The following MCHR2 variants were observed in gnomAD, a reference collection of about 807,000 sequenced individuals.
The protein encoded by MCHR2 is melanin-concentrating hormone receptor 2.
A neutral mutation model predicts 24.8 loss-of-function variants in MCHR2; 15 were observed. The ratio of observed to expected loss-of-function variants is 0.60; its 90% CI spans 0.40 to 0.93. The LOEUF is 0.93. MCHR2 is among the 40% of genes least tolerant of loss of function. The pLI is 0.00. For synonymous variants in MCHR2, 151 were observed against 147.6 expected, an observed-to-expected ratio of 1.02 and a Z score of -0.17; for missense variants, 386 against 408.7, an observed-to-expected ratio of 0.94 and a Z score of 0.48.
At chr6:99,987,456 G>C (rs1775790594) in intron 1 of MCHR2, among the ~76,000 whole-genome samples, 1 of 151,952 alleles carries the variant, frequency 6.6e-6, no homozygotes, top group Non-Finnish European at 1.5e-5. Context: ...CCCCACCCTT[G>C]CTTTAGGATT....
chr6:99,953,260 A>C (rs1452930046), intron 2 of MCHR2, among the ~76,000 whole-genome samples: 3 of 152,180 alleles, frequency 2.0e-5, no homozygotes, highest in African/African-American at 7.2e-5. Flanking sequence ...TGCATATAAA[A>C]GTTGCCTGTG....
At chr6:99,977,527 G>C (rs534520132) in intron 1 of MCHR2, among the ~76,000 whole-genome samples, 3 of 152,126 alleles carry the variant, frequency 2.0e-5, no homozygotes, top group Non-Finnish European at 2.9e-5. Flanking sequence ...TTGTCTTTGT[G>C]AGCCCATTCC....
At chr6:99,921,809 A>C (rs1774239292) in intron 5 of MCHR2, among the ~76,000 whole-genome samples, 1 of 151,660 alleles carries the variant, frequency 6.6e-6, no homozygotes, top group East Asian at 1.9e-4. Flanking sequence ...CCATCTTTCT[A>C]CTCTCTATGT....
intron 1 of MCHR2, among the ~76,000 whole-genome samples, chr6:99,968,811 GA>G (rs1775341040): frequency 6.6e-6 from 1 of 151,438 alleles, no homozygotes; most frequent in East Asian, 1.9e-4. Flanking sequence ...AATCAAACTA[GA>G]AATCAATAAC....
intron 1 of MCHR2, among the ~76,000 whole-genome samples, chr6:99,957,808 C>T (rs915784185): frequency 4.6e-5 from 7 of 151,836 alleles, no homozygotes; most frequent in African/African-American, 1.7e-4. Flanking sequence ...AAGAACTCTA[C>T]TGGAAAAATT....
intron 4 of MCHR2, among the ~76,000 whole-genome samples, chr6:99,939,872 GTTT>G (rs34233035): frequency 0.25 from 27,166 of 108,448 alleles, 2,611 homozygotes; most frequent in African/African-American, 0.32. Flanking sequence ...GATGGCAGGT[GTTT>G]TTTTTTTTTT....
chr6:99,921,368 G>T, intron 5 of MCHR2, 113 bp from the exon 6 acceptor site: 1 of 881,588 alleles, frequency 1.1e-6, no homozygotes, highest in Non-Finnish European at 1.7e-6. Flanking sequence ...GAAATATGAA[G>T]CTCATTATTA....
chr6:99,980,860 A>G (rs1341299162), intron 1 of MCHR2, among the ~76,000 whole-genome samples: 3 of 152,222 alleles, frequency 2.0e-5, no homozygotes, highest in African/African-American at 4.8e-5. Flanking sequence ...AACATCAAAG[A>G]AAAGATATAT....
At chr6:99,930,892 T>G (rs1010836688) in intron 5 of MCHR2, among the ~76,000 whole-genome samples, 1 of 152,246 alleles carries the variant, frequency 6.6e-6, no homozygotes, top group Admixed American at 6.5e-5. Flanking sequence ...AGGAGCTGTG[T>G]TCCTTTGGTG....
chr6:99,980,679 T>G (rs1775651904), intron 1 of MCHR2, among the ~76,000 whole-genome samples: 1 of 151,986 alleles, frequency 6.6e-6, no homozygotes, highest in South Asian at 2.1e-4. Flanking sequence ...ATACTACCAT[T>G]GGCAAAAAAA....
chr6:99,938,780 G>A (rs556066786), intron 4 of MCHR2, among the ~76,000 whole-genome samples: 5 of 152,100 alleles, frequency 3.3e-5, no homozygotes, highest in African/African-American at 7.2e-5. Context: ...AACAGAGAAT[G>A]GTGTGTTAAA....
rs397774561 is a variant in MCHR2 at position 99,919,734 on chromosome 6, G to GTTT, written c.*1203_*1205dup. 1.4e-5 allele frequency among the ~76,000 whole-genome samples: 2 copies of GTTT among 140,774 alleles called. No homozygotes were observed. Among genetic ancestry groups the GTTT allele is most frequent in the Admixed American group, 7.2e-5 (1 of 13,828 alleles). 92.4% of individuals were successfully genotyped at this position (140,774 alleles called of 152,430 possible). A position where few individuals can be genotyped will look rare whatever the true frequency, so the allele number is the denominator to read the frequency against. ...TCTTGTTTTTTTTTTTGTTTGTTTT[G>GTTT]TTTTTTTTTTTGAGATGACGTCTCA... On this transcript the variant is annotated 3_prime_UTR_variant, in exon 6 of 6. Coordinates refer to ENST00000281806, the MANE Select transcript of MCHR2 (RefSeq NM_001040179.2).
At chr6:99,923,570 T>C (rs998304158) in intron 5 of MCHR2, among the ~76,000 whole-genome samples, 2 of 152,126 alleles carry the variant, frequency 1.3e-5, no homozygotes, top group Non-Finnish European at 2.9e-5. Context: ...GTTCCTCCTA[T>C]AACTAGTTTT....
intron 3 of MCHR2, among the ~76,000 whole-genome samples, chr6:99,945,383 C>G (rs189400527): frequency 2.2e-4 from 34 of 152,232 alleles, no homozygotes; most frequent in African/African-American, 7.7e-4. Context: ...GTCTAGGTAG[C>G]TTTCATTTGA....
chr6:99,929,210 C>A (rs1190314839), intron 5 of MCHR2, among the ~76,000 whole-genome samples: 1 of 151,910 alleles, frequency 6.6e-6, no homozygotes, highest in African/African-American at 2.4e-5. Context: ...AGACAGTTTG[C>A]TATAATGTCT....
chr6:99,969,483 A>G (rs1775354484), intron 1 of MCHR2, among the ~76,000 whole-genome samples: 1 of 149,344 alleles, frequency 6.7e-6, no homozygotes, highest in African/African-American at 2.4e-5. Context: ...CAAAAAAAAA[A>G]AAAAAAAAAG....
At chr6:99,990,175 G>C (rs1193942163) in intron 1 of MCHR2, among the ~76,000 whole-genome samples, 1 of 152,222 alleles carries the variant, frequency 6.6e-6, no homozygotes, top group Non-Finnish European at 1.5e-5. Flanking sequence ...TGGGACCCAG[G>C]TGATGAGATT....
intron 3 of MCHR2, among the ~76,000 whole-genome samples, chr6:99,947,441 T>G (rs1295699773): frequency 1.3e-5 from 2 of 152,164 alleles, no homozygotes; most frequent in African/African-American, 2.4e-5. Flanking sequence ...GCTTCTTTAC[T>G]GTGAAATTGA....
intron 5 of MCHR2, among the ~76,000 whole-genome samples, chr6:99,931,149 C>T (rs34722049): frequency 0.19 from 28,394 of 152,114 alleles, 2,858 homozygotes; most frequent in African/African-American, 0.24. Context: ...TGCAGAACAC[C>T]GGATTTTCGT....
Sources: gnomAD v4.1 joint callset for allele counts (sites outside exome capture counted in the v4.1 genomes callset) on GRCh38, gnomAD v4.1.1 for gene constraint, MANE v1.5 for transcripts, NCBI Gene and HGNC (gene_info 2026-07-23, HGNC 2026-07-21) for gene names.